Variants in TRANK1 observed in about 807,000 individuals in gnomAD.
TRANK1 encodes TPR and ankyrin repeat-containing protein 1.
A neutral mutation model predicts 266.0 loss-of-function variants in TRANK1; 198 were observed. That is an observed-to-expected ratio of 0.74 (90% CI 0.66 to 0.84). TRANK1 has a LOEUF of 0.84. Among genes scored for constraint, TRANK1 ranks in the 40% least tolerant of loss-of-function variants. TRANK1 has a pLI of 0.00. For synonymous variants in TRANK1, 1,396 were observed against 1,384.1 expected, an observed-to-expected ratio of 1.01 and a Z score of -0.19; for missense variants, 3,326 against 3,634.6, an observed-to-expected ratio of 0.92 and a Z score of 2.18.
intron 8 of TRANK1, among the ~76,000 whole-genome samples, chr3:36,887,059 A>G (rs1422456878): frequency 2.6e-5 from 4 of 151,980 alleles, no homozygotes; most frequent in Non-Finnish European, 4.4e-5. Flanking sequence ...GGCGCATGCT[A>G]CTATGCCACA....
chr3:36,940,781 G>T (rs543259062), intron 1 of TRANK1, among the ~76,000 whole-genome samples: 1 of 152,246 alleles, frequency 6.6e-6, no homozygotes, highest in East Asian at 1.9e-4. Flanking sequence ...TACCCAATAT[G>T]GACCCTTGGA....
intron 8 of TRANK1, among the ~76,000 whole-genome samples, chr3:36,884,410 C>T (rs2079572676): frequency 6.6e-6 from 1 of 152,138 alleles, no homozygotes; most frequent in Non-Finnish European, 1.5e-5. Context: ...CCTGGAACAC[C>T]TTGTGGTGTC....
intron 22 of TRANK1, 34 bp downstream of exon 22, chr3:36,830,839 C>T (rs1220273781): frequency 1.3e-6 from 2 of 1,540,976 alleles, no homozygotes; most frequent in Non-Finnish European, 1.7e-6. Context: ...CCAGGTCTCA[C>T]TCTGCCTGGG....
chr3:36,830,728 A>G, intron 22 of TRANK1, 145 bp downstream of exon 22: 1 of 935,364 alleles, frequency 1.1e-6, no homozygotes, highest in South Asian at 2.0e-5. Context: ...TAACTTGAGA[A>G]TATATATTCC....
chr3:36,930,744 C>A (rs932099184), intron 1 of TRANK1, among the ~76,000 whole-genome samples: 1 of 151,906 alleles, frequency 6.6e-6, no homozygotes, highest in Non-Finnish European at 1.5e-5. Flanking sequence ...CTATAACAGG[C>A]AAATCTAAGA....
At position 36,832,179 on chromosome 3, in the gene TRANK1, G is replaced by T; in HGVS notation, c.7404C>A (p.Ala2468=). 6.2e-7 allele frequency: 1 copy of T among 1,613,972 alleles called. No individual in the cohort carries two copies. Among genetic ancestry groups the T allele is most frequent in the Non-Finnish European group, 8.5e-7 (1 of 1,179,884 alleles). The change falls in exon 22 of 24, where the codon GCC becomes GCA. Residue 2468 remains alanine, a synonymous_variant. Coordinates refer to ENST00000645898, the MANE Select transcript of TRANK1 (RefSeq NM_001329998.2). ...ATAGAATGACATTCTTCCAGAGGCG[G>T]GCCAGCACCACCCCACAGTGGATGA... ...FQFIHCGVVL[A]RLWKNVILCL...
At position 36,874,266 on chromosome 3, in the gene TRANK1, C is replaced by A. The variant is rs906507642; in HGVS notation, c.938G>T (p.Arg313Leu). 1 of 1,537,092 alleles carries A rather than the reference C, an allele frequency of 6.5e-7. No homozygotes were observed. Among genetic ancestry groups the A allele is most frequent in the East Asian group, 2.4e-5 (1 of 40,908 alleles). ...CAGCAAAGTGGGATCTGCCCCAAAG[C>A]GCAGGAGCATCTGCACATCCTCTGT... ...RQTEDVQMLLRFGADPTLLDR... is the reference protein window; with the variant it reads ...RQTEDVQMLLLFGADPTLLDR... Residue 313 changes from arginine to leucine, a missense_variant, in exon 9 of 24, where the codon CGC (arginine) becomes CTC (leucine). Arg to Leu is a moderately radical substitution (Grantham distance 102). Transcript: ENST00000645898.
At position 36,908,456 on chromosome 3, in the gene TRANK1, T is replaced by C; in HGVS notation, c.24-2A>G. The C allele has an allele frequency of 8.1e-7, 1 of 1,232,220 alleles. No individual in the cohort carries two copies. The highest frequency in any genetic ancestry group is 3.1e-4 in the Middle Eastern group (1 of 3,208). 76.3% of individuals were successfully genotyped at this position (1,232,220 alleles called of 1,614,324 possible). A position where few individuals can be genotyped will look rare whatever the true frequency, so the allele number is the denominator to read the frequency against. On this transcript the variant is annotated splice_acceptor_variant, in intron 1 of 23. Transcript: ENST00000645898. LOFTEE classifies it high-confidence loss of function. Reference sequence around the variant, plus strand: ...TCAGCGTAAGCTGTCAGGTCCATCCTGTGAGGAGACGGGGGAGACGCTTGC... The same window carrying C: ...TCAGCGTAAGCTGTCAGGTCCATCCCGTGAGGAGACGGGGGAGACGCTTGC...
chr3:36,932,561 TCAAA>T (rs1029367317), intron 1 of TRANK1, among the ~76,000 whole-genome samples: 33 of 152,272 alleles, frequency 2.2e-4, no homozygotes, highest in African/African-American at 6.5e-4. Flanking sequence ...AAACTCCAAC[TCAAA>T]CAAACAAACA....
chr3:36,919,708 A>T (rs2080188208), intron 1 of TRANK1, among the ~76,000 whole-genome samples: 1 of 152,230 alleles, frequency 6.6e-6, no homozygotes, highest in Non-Finnish European at 1.5e-5. Context: ...AAGTGGTTGA[A>T]CCAATTTATA....
chr3:36,934,883 A>G (rs1429436773), intron 1 of TRANK1, among the ~76,000 whole-genome samples: 1 of 152,086 alleles, frequency 6.6e-6, no homozygotes, highest in Admixed American at 6.5e-5. Context: ...GCTATCCCTG[A>G]GTTGGGTTCA....
chr3:36,844,602 G>A (rs1186348380), intron 17 of TRANK1, among the ~76,000 whole-genome samples: 1 of 152,206 alleles, frequency 6.6e-6, no homozygotes, highest in Admixed American at 6.5e-5. Flanking sequence ...GATTGAGAAT[G>A]CCCATGCTAG....
At chr3:36,853,666 C>T (rs192034732) in intron 13 of TRANK1, among the ~76,000 whole-genome samples, 8 of 152,144 alleles carry the variant, frequency 5.3e-5, no homozygotes, top group African/African-American at 1.4e-4. Context: ...ACTCAAAAAA[C>T]AAAAGATGGT....
chr3:36,860,234 T>C (rs2079123168), intron 11 of TRANK1, among the ~76,000 whole-genome samples: 1 of 152,158 alleles, frequency 6.6e-6, no homozygotes, highest in African/African-American at 2.4e-5. Flanking sequence ...TTATTCCCAT[T>C]TTACCAATGA....
At chr3:36,886,726 C>T (rs988617430) in intron 8 of TRANK1, among the ~76,000 whole-genome samples, 2 of 151,814 alleles carry the variant, frequency 1.3e-5, no homozygotes, top group African/African-American at 2.4e-5. Flanking sequence ...TCCTGGCTAA[C>T]GTGGTGAAAC....
intron 1 of TRANK1, among the ~76,000 whole-genome samples, chr3:36,941,382 A>G: frequency 6.6e-6 from 1 of 152,244 alleles, no homozygotes; most frequent in East Asian, 1.9e-4. Flanking sequence ...AGCTCACACA[A>G]GCATGCTATG....
At chr3:36,892,787 CA>C (rs1278905625) in intron 6 of TRANK1, 113 bp downstream of exon 6, 1 of 304,562 alleles carries the variant, frequency 3.3e-6, no homozygotes, top group Non-Finnish European at 5.3e-6. Context: ...GCTATCATGC[CA>C]CTGCACTCCA....
chr3:36,905,335 T>C (rs2125627677), intron 2 of TRANK1, among the ~76,000 whole-genome samples: 1 of 151,180 alleles, frequency 6.6e-6, no homozygotes, highest in South Asian at 2.1e-4. Flanking sequence ...TACCCCTCAA[T>C]GTGACAATAT....
intron 3 of TRANK1, among the ~76,000 whole-genome samples, chr3:36,901,761 T>G (rs1293023454): frequency 2.0e-5 from 3 of 151,750 alleles, no homozygotes; most frequent in Non-Finnish European, 4.4e-5. Flanking sequence ...GAGTTCTGGG[T>G]AAGAACTAGG....
Sources: gnomAD v4.1 joint callset for allele counts (sites outside exome capture counted in the v4.1 genomes callset) on GRCh38, gnomAD v4.1.1 for gene constraint, MANE v1.5 for transcripts, NCBI Gene and HGNC (gene_info 2026-07-23, HGNC 2026-07-21) for gene names.